TK1: variants seen among roughly 807,000 people sequenced by gnomAD.
The protein encoded by TK1 is thymidine kinase 1.
In TK1, 13 loss-of-function variants were observed where a neutral mutation model predicts 22.4. The ratio of observed to expected loss-of-function variants is 0.58; its 90% confidence interval spans 0.38 to 0.92. TK1 has a LOEUF of 0.92. TK1 is among the 40% of genes least tolerant of loss of function. TK1 has a pLI of 0.00. For missense variants in TK1, 251 were observed against 315.7 expected (o/e 0.80, Z 1.55); for synonymous variants, 134 against 125.4 (o/e 1.07, Z -0.46).
rs2145833388 is a variant in TK1, at chr17:78,186,830, G to A, written c.67-12C>T. ...GGCCCGAGAATCACCTAGGAGAGAAGGTGAGGTCATTTGAGGGCCCGCCCT... is the reference window on the plus strand; with the variant it reads ...GGCCCGAGAATCACCTAGGAGAGAAAGTGAGGTCATTTGAGGGCCCGCCCT... On this transcript the variant is annotated splice_polypyrimidine_tract_variant and intron_variant, in intron 1 of 6. Transcript: ENST00000301634. 6.3e-7 allele frequency: 1 copy of A among 1,580,858 alleles called. No homozygotes were observed. The highest frequency in any genetic ancestry group is 8.6e-7 in the Non-Finnish European group (1 of 1,163,764).
chr17:78,179,980 A>T (rs1300696210), intron 4 of TK1, among the ~76,000 whole-genome samples: 1 of 152,202 alleles, frequency 6.6e-6, no homozygotes, highest in Non-Finnish European at 1.5e-5. Flanking sequence ...CTGAGGCGGG[A>T]GAATCACTTG....
At chr17:78,179,378 C>T (rs2075723035) in intron 4 of TK1, 10 of 985,284 alleles carry the variant, frequency 1.0e-5, no homozygotes, top group Non-Finnish European at 1.2e-5. Context: ...ACGACGTCTC[C>T]ACGTACGCAG....
rs750096299 is a variant in TK1, at chr17:78,174,929, C to T, written c.535G>A (p.Asp179Asn). The change falls in exon 7 of 7, where the codon GAC becomes AAC. Residue 179 changes from aspartate (D) to asparagine (N), a missense_variant. Coordinates refer to ENST00000301634, the MANE Select transcript of TK1 (RefSeq NM_003258.5). ...AGCCGACACACGGAGTGGTACTTGTCTGCTCCCCCAATCACCTCGACCTGG... is the reference window on the plus strand; with the variant it reads ...AGCCGACACACGGAGTGGTACTTGTTTGCTCCCCCAATCACCTCGACCTGG... ...EKEVEVIGGA[D>N]KYHSVCRLCY... 6.2e-7 allele frequency: 1 copy of T among 1,613,744 alleles called. No homozygotes were observed. Among genetic ancestry groups the T allele is most frequent in the Non-Finnish European group, 8.5e-7 (1 of 1,179,778 alleles).
chr17:78,175,080 G>A lies in TK1; in HGVS notation c.483C>T (p.Ala161=). The change falls in exon 6 of 7, where the codon GCC becomes GCT. Residue 161 remains alanine, a synonymous_variant. Coordinates refer to ENST00000301634, the MANE Select transcript of TK1 (RefSeq NM_003258.5). ...AVCMECFREA[A]YTKRLGTEKE... is the part of the protein sequence containing the mutation. Reference sequence around the variant, plus strand: ...TCTCTGTGCCGAGCCTCTTGGTATAGGCGGCTTCCCGGAAGCACTCCATGC... The same window carrying A: ...TCTCTGTGCCGAGCCTCTTGGTATAAGCGGCTTCCCGGAAGCACTCCATGC... The A allele has an allele frequency of 6.2e-7, 1 of 1,613,632 alleles. No individual in the cohort carries two copies. Among genetic ancestry groups the A allele is most frequent in the Non-Finnish European group, 8.5e-7 (1 of 1,179,870 alleles).
rs2613510 is a variant in TK1, at chr17:78,184,433, A to G, written c.209+622T>C. On this transcript the variant is annotated intron_variant, in intron 3 of 6. Transcript: ENST00000301634. ...AAAGCGTCTCAGGCTCAGAAACATC[A>G]GGCCCACATCTGCTGCCAAGGAAGT... 7.8e-3 allele frequency among the ~76,000 whole-genome samples: 1,190 copies of G among 152,342 alleles called. 22 individuals are homozygous for G. The highest frequency in any genetic ancestry group is 0.025 in the African/African-American group (1,042 of 41,586).
rs1248270828 is a variant in TK1 at position 78,185,059 on chromosome 17, C to G, written c.205G>C (p.Asp69His). ...TRYSSSFCTH[D>H]RNTMEALPAC... is the part of the protein sequence containing the mutation. Reference sequence around the variant, plus strand: ...CTGCAGGGGGCAGGGACTGACCGGTCATGTGTGCAGAAGCTGCTGCTGTAG... The same window carrying G: ...CTGCAGGGGGCAGGGACTGACCGGTGATGTGTGCAGAAGCTGCTGCTGTAG... Residue 69 changes from aspartate (D) to histidine (H), a missense_variant, in exon 3 of 7, where the codon GAC becomes CAC. Transcript: ENST00000301634. The G allele has an allele frequency of 1.9e-6, 3 of 1,612,506 alleles. No homozygotes were observed. The African/African-American group carries it at 4.0e-5, about 22-fold the overall frequency.
chr17:78,186,971 A>G lies in TK1; in HGVS notation c.24T>C (p.Thr8=). 2.5e-6 allele frequency: 4 copies of G among 1,579,374 alleles called. No individual in the cohort carries two copies. The highest frequency in any genetic ancestry group is 3.4e-6 in the Non-Finnish European group (4 of 1,163,026). Residue 8 remains threonine (T), a synonymous_variant, in exon 1 of 7, where the codon ACT becomes ACC. Transcript: ENST00000301634. ...TCTTGCTGGGGGAGCCAGGCAGCACAGTGGGCAGGTTAATGCAGCTCATTG... is the reference window on the plus strand; with the variant it reads ...TCTTGCTGGGGGAGCCAGGCAGCACGGTGGGCAGGTTAATGCAGCTCATTG... MSCINLP[T]VLPGSPSKTR...
In TK1 at chr17:78,184,151, AG is replaced by A. The variant is rs554016065; in HGVS notation, c.209+903del. Among the ~76,000 whole-genome samples the A allele has an allele frequency of 8.5e-5, 13 of 152,372 alleles. No homozygotes were observed. In the East Asian group the frequency reaches 2.5e-3, roughly 29 times the overall value. On this transcript the variant is annotated intron_variant, in intron 3 of 6. Transcript: ENST00000301634. ...GAAAAGTAAATGACCTACATCAGAC[AG>A]CATGGTCACGAAGTGCGGTTAAATT...
intron 4 of TK1, among the ~76,000 whole-genome samples, chr17:78,180,280 C>T (rs1160427248): frequency 6.6e-6 from 1 of 152,212 alleles, no homozygotes; most frequent in Non-Finnish European, 1.5e-5. Flanking sequence ...TCGTGGGCGG[C>T]CTCCCCATCA....
intron 3 of TK1, among the ~76,000 whole-genome samples, chr17:78,184,058 G>C (rs2145829147): frequency 1.3e-5 from 2 of 152,334 alleles, no homozygotes; most frequent in South Asian, 4.1e-4. Flanking sequence ...TGCTTTCCCT[G>C]TCCCCACCAG....
Position 78,174,756 on chromosome 17 carries a change from C to A in TK1, c.*3G>T. 1 of 1,596,940 alleles carries A rather than the reference C, an allele frequency of 6.3e-7. No homozygotes were observed. Among genetic ancestry groups the A allele is most frequent in the Non-Finnish European group, 8.5e-7 (1 of 1,172,250 alleles). ...AAGGGAGCGGGCGGCCCTCGCAGGT[C>A]CCTCAGTTGGCAGGGCTGCATTGCA... On this transcript the variant is annotated 3_prime_UTR_variant, in exon 7 of 7. Coordinates refer to ENST00000301634, the MANE Select transcript of TK1 (RefSeq NM_003258.5).
chr17:78,182,818 A>C, intron 3 of TK1, 136 bp from the exon 4 acceptor site: 2 of 520,034 alleles, frequency 3.8e-6, no homozygotes, highest in East Asian at 6.5e-5. Flanking sequence ...GGCTTTGAGA[A>C]GTTAGCACCT....
At chr17:78,182,539 G>T in intron 4 of TK1, 50 bp downstream of exon 4, 3 of 1,428,576 alleles carry the variant, frequency 2.1e-6, no homozygotes, top group Non-Finnish European at 2.8e-6. Context: ...AAAACGGGAG[G>T]ACAGAGCGGA....
chr17:78,182,763 T>C (rs2145828105), intron 3 of TK1, 81 bp from the exon 4 acceptor site: 1 of 1,053,354 alleles, frequency 9.5e-7, no homozygotes, highest in African/African-American at 1.6e-5. Flanking sequence ...GGCACTGTCG[T>C]GACCACCTGC....
intron 4 of TK1, among the ~76,000 whole-genome samples, chr17:78,176,322 T>TCTTA (rs1290750080): frequency 6.6e-6 from 1 of 152,092 alleles, no homozygotes; most frequent in African/African-American, 2.4e-5. Flanking sequence ...ATCATATCAC[T>TCTTA]CTTAGCTGGT....
intron 2 of TK1, among the ~76,000 whole-genome samples, chr17:78,186,394 G>A (rs1241244759): frequency 2.6e-5 from 4 of 152,068 alleles, no homozygotes; most frequent in African/African-American, 9.7e-5. Context: ...ACGTTTCCTT[G>A]GCCTTAGAAG....
intron 4 of TK1, among the ~76,000 whole-genome samples, chr17:78,176,600 G>A (rs1481124368): frequency 1.3e-5 from 2 of 152,032 alleles, no homozygotes; most frequent in South Asian, 2.1e-4. Flanking sequence ...ACTCCAGCAC[G>A]CCAGGGCCCC....
intron 4 of TK1, among the ~76,000 whole-genome samples, chr17:78,176,960 C>A (rs1476876680): frequency 6.6e-6 from 1 of 152,150 alleles, no homozygotes; most frequent in Non-Finnish European, 1.5e-5. Context: ...GCTCCTTCAC[C>A]CGCCACATGA....
chr17:78,186,000 T>G (rs992666590), intron 2 of TK1, among the ~76,000 whole-genome samples: 7 of 152,080 alleles, frequency 4.6e-5, no homozygotes, highest in African/African-American at 1.7e-4. Context: ...GTGGCTAACA[T>G]CTGTAATCCC....
Sources: gnomAD v4.1 joint callset for allele counts (sites outside exome capture counted in the v4.1 genomes callset) on GRCh38, gnomAD v4.1.1 for gene constraint, MANE v1.5 for transcripts, NCBI Gene and HGNC (gene_info 2026-07-23, HGNC 2026-07-21) for gene names.